OCA2: variants seen among roughly 807,000 people sequenced by gnomAD.
The protein encoded by OCA2 is P protein.
A neutral mutation model predicts 100.2 loss-of-function variants in OCA2; 77 were observed. That is an observed-to-expected ratio of 0.77 (90% CI 0.64 to 0.93). The LOEUF (loss-of-function observed/expected upper bound fraction) is 0.93, where lower values mean the gene tolerates loss of function less well. Among genes scored for constraint, OCA2 ranks in the 40% least tolerant of loss-of-function variants. OCA2 has a pLI of 0.00. For synonymous variants in OCA2, 432 were observed against 439.2 expected (o/e 0.98, Z 0.21); for missense variants, 1,062 against 1,089.1 (o/e 0.98, Z 0.35).
rs367669028 is a variant in OCA2 at position 28,012,583 on chromosome 15, T to TA, written c.1044+2192dup. The stretch of plus-strand genomic sequence containing the variant: ...CCTCTTAAATATCTGCTAGCCGTAA[T>TA]AAAAAAAAAATCAAAGTACAGGACT... On this transcript the variant is annotated intron_variant, in intron 9 of 23. Coordinates refer to ENST00000354638, the MANE Select transcript of OCA2 (RefSeq NM_000275.3). 5.5e-3 allele frequency among the ~76,000 whole-genome samples: 822 copies of TA among 150,100 alleles called. 10 individuals are homozygous for TA. Among genetic ancestry groups the TA allele is most frequent in the African/African-American group, 0.019 (773 of 41,072 alleles).
At chr15:27,761,409 G>T (rs996327972) in intron 23 of OCA2, among the ~76,000 whole-genome samples, 2 of 150,982 alleles carry the variant, frequency 1.3e-5, no homozygotes, top group African/African-American at 4.9e-5. Flanking sequence ...AATCGTGTTT[G>T]TAACTTACAG....
At chr15:28,085,168 G>A (rs1474281761) in intron 1 of OCA2, among the ~76,000 whole-genome samples, 1 of 152,102 alleles carries the variant, frequency 6.6e-6, no homozygotes, top group African/African-American at 2.4e-5. Context: ...GGAACCCCAG[G>A]TGGGCCCCAG....
chr15:27,922,680 G>GTGTGTGTGTGTGTGT (rs61038958), intron 19 of OCA2, among the ~76,000 whole-genome samples: 2 of 147,114 alleles, frequency 1.4e-5, no homozygotes, highest in Non-Finnish European at 3.0e-5. Context: ...TTTTGTTTGG[G>GTGTGTGTGTGTGTGT]GTGTGTGTGT....
the OCA2 span, among the ~76,000 whole-genome samples, chr15:27,732,356 A>G: frequency 6.6e-6 from 1 of 152,140 alleles, no homozygotes; most frequent in African/African-American, 2.4e-5. Flanking sequence ...GGGCCCGGAG[A>G]CATGGAAGAG....
At chr15:28,096,408 C>T (rs913179014) in intron 1 of OCA2, among the ~76,000 whole-genome samples, 9 of 152,198 alleles carry the variant, frequency 5.9e-5, no homozygotes, top group African/African-American at 2.2e-4. Context: ...TGGCGGTGTC[C>T]GCAGGAGCGA....
At chr15:27,935,983 T>C (rs2039436722) in intron 18 of OCA2, among the ~76,000 whole-genome samples, 2 of 152,294 alleles carry the variant, frequency 1.3e-5, no homozygotes, top group South Asian at 4.1e-4. Flanking sequence ...CTCATATTCA[T>C]CCTTCCAAAC....
At chr15:28,057,483 C>T (rs532671313) in intron 2 of OCA2, among the ~76,000 whole-genome samples, 1 of 152,194 alleles carries the variant, frequency 6.6e-6, no homozygotes, top group Admixed American at 6.5e-5. Context: ...CAGTGAATCC[C>T]TTGGCCTGCC....
intron 1 of OCA2, among the ~76,000 whole-genome samples, chr15:28,085,330 CAAG>C (rs2141933458): frequency 6.6e-6 from 1 of 152,190 alleles, no homozygotes; most frequent in East Asian, 1.9e-4. Flanking sequence ...AGCCGGGGTC[CAAG>C]AAGGAAATAG....
chr15:27,784,261 T>A (rs2032693615), intron 23 of OCA2, among the ~76,000 whole-genome samples: 2 of 152,210 alleles, frequency 1.3e-5, no homozygotes, highest in Admixed American at 6.5e-5. Context: ...GGTTCCACCC[T>A]GAACACAAGG....
chr15:27,952,563 T>C (rs1464637601), intron 17 of OCA2, among the ~76,000 whole-genome samples: 1 of 152,266 alleles, frequency 6.6e-6, no homozygotes, highest in Non-Finnish European at 1.5e-5. Flanking sequence ...CTGGTAGGCC[T>C]GCCCTGTTAA....
intron 2 of OCA2, among the ~76,000 whole-genome samples, chr15:28,055,498 T>C (rs1469094656): frequency 4.6e-5 from 7 of 152,204 alleles, no homozygotes; most frequent in Admixed American, 1.3e-4. Context: ...GCCTTTCACG[T>C]AGGTACTGAA....
chr15:27,931,289 C>T (rs947724728), intron 18 of OCA2, among the ~76,000 whole-genome samples: 1 of 152,170 alleles, frequency 6.6e-6, no homozygotes, highest in African/African-American at 2.4e-5. Flanking sequence ...CAGTTCTTGA[C>T]AATTCTATAC....
chr15:27,980,196 C>T (rs1465527665), intron 14 of OCA2, among the ~76,000 whole-genome samples: 2 of 151,680 alleles, frequency 1.3e-5, no homozygotes, highest in Admixed American at 6.6e-5. Flanking sequence ...GGCACGATCT[C>T]GGCTCGCTGC....
At chr15:27,947,502 C>T (rs953206221) in intron 18 of OCA2, among the ~76,000 whole-genome samples, 9 of 152,200 alleles carry the variant, frequency 5.9e-5, no homozygotes, top group Non-Finnish European at 1.3e-4. Context: ...GTCACCACAG[C>T]CAGCTCCGTG....
chr15:27,846,073 CT>C lies in OCA2; in HGVS notation c.2339-1022del, dbSNP rs142624384. On this transcript the variant is annotated intron_variant, in intron 22 of 23. Coordinates refer to ENST00000354638, the MANE Select transcript of OCA2 (RefSeq NM_000275.3). ...AAAGGAAGATCAGTGAGAGGTGGGG[CT>C]CAGGCTGCCCCAGGCCTTTCTGTAG... 3.3e-3 allele frequency among the ~76,000 whole-genome samples: 503 copies of C among 152,208 alleles called. 5 individuals carry two copies. Among genetic ancestry groups the C allele is most frequent in the African/African-American group, 0.012 (478 of 41,544 alleles).
chr15:28,044,950 A>G (rs2043305838), intron 2 of OCA2, among the ~76,000 whole-genome samples: 1 of 152,150 alleles, frequency 6.6e-6, no homozygotes, highest in African/African-American at 2.4e-5. Context: ...TGGTTCCTTT[A>G]TAAGTAGCAT....
intron 14 of OCA2, among the ~76,000 whole-genome samples, chr15:27,972,819 G>A (rs1245433924): frequency 1.4e-5 from 2 of 142,744 alleles, no homozygotes; most frequent in Non-Finnish European, 3.1e-5. Context: ...TTACTTTGAT[G>A]GTTATTTTAT....
intron 18 of OCA2, 126 bp downstream of exon 18, chr15:27,951,658 T>C: frequency 1.3e-6 from 1 of 746,764 alleles, no homozygotes. Context: ...ACCCTCCATC[T>C]CAGCCCTCTC....
chr15:27,828,978 A>G (rs2034840336), intron 23 of OCA2, among the ~76,000 whole-genome samples: 1 of 152,202 alleles, frequency 6.6e-6, no homozygotes, highest in Non-Finnish European at 1.5e-5. Context: ...CACTGTCCTG[A>G]AGACATCCTG....
Sources: gnomAD v4.1 joint callset for allele counts (sites outside exome capture counted in the v4.1 genomes callset) on GRCh38, gnomAD v4.1.1 for gene constraint, MANE v1.5 for transcripts, NCBI Gene and HGNC (gene_info 2026-07-23, HGNC 2026-07-21) for gene names.